The following PDE6A variants were observed in gnomAD, a reference collection of about 807,000 sequenced individuals.
PDE6A encodes rod cGMP-specific 3',5'-cyclic phosphodiesterase subunit alpha.
A neutral mutation model predicts 106.3 loss-of-function variants in PDE6A; 84 were observed. That is an observed-to-expected ratio of 0.79 (90% CI 0.66 to 0.95). The LOEUF (loss-of-function observed/expected upper bound fraction) is 0.95, where lower values mean the gene tolerates loss of function less well. PDE6A is among the 40% of genes least tolerant of loss of function. The pLI, the probability that PDE6A is intolerant of heterozygous loss-of-function variation, is 0.00. For synonymous variants in PDE6A, 394 were observed against 386.6 expected, an observed-to-expected ratio of 1.02 and a Z score of -0.23; for missense variants, 1,052 against 1,084.9, an observed-to-expected ratio of 0.97 and a Z score of 0.43.
At chr5:149,906,242 G>A (rs1753175240) in intron 7 of PDE6A, among the ~76,000 whole-genome samples, 2 of 151,470 alleles carry the variant, frequency 1.3e-5, no homozygotes, top group South Asian at 4.2e-4. Context: ...CCCACCTTTT[G>A]AGGATGAGCA....
In PDE6A at chr5:149,868,103, G is replaced by C; in HGVS notation, c.2191C>G (p.Gln731Glu). ...TCAGCAGGAGTTCATACCTGGCTCT[G>C]CACCTCCCAGGGTTTGGTGATGGCT... Reference protein sequence around the residue: ...LSAITKPWEVQSQVALLVAAE... With the variant: ...LSAITKPWEVESQVALLVAAE... Residue 731 changes from glutamine (Q) to glutamate (E), a missense_variant, in exon 18 of 22, where the codon CAG becomes GAG. By Grantham distance (29) the Gln-to-Glu change is conservative (BLOSUM62 2). Transcript: ENST00000255266. The C allele has an allele frequency of 6.2e-7, 1 of 1,614,062 alleles. No individual in the cohort carries two copies. The highest frequency in any genetic ancestry group is 8.5e-7 in the Non-Finnish European group (1 of 1,179,918).
intron 4 of PDE6A, among the ~76,000 whole-genome samples, chr5:149,928,231 A>ATTTTTTTTTTTTTTTTTTTT (rs1165259453): frequency 1.0e-4 from 2 of 19,746 alleles, no homozygotes; most frequent in Non-Finnish European, 1.7e-4. Flanking sequence ...ATATATATAT[A>ATTTTTTTTTTTTTTTTTTTT]TTTTTTTTTT....
chr5:149,938,371 A>G (rs750323524), intron 1 of PDE6A, among the ~76,000 whole-genome samples: 31 of 152,206 alleles, frequency 2.0e-4, no homozygotes, highest in Admixed American at 4.6e-4. Context: ...GAGAGGGTCT[A>G]CAAATGACGG....
chr5:149,890,804 G>C (rs759563882), intron 13 of PDE6A, among the ~76,000 whole-genome samples: 41 of 152,138 alleles, frequency 2.7e-4, no homozygotes, highest in Non-Finnish European at 4.6e-4. Context: ...TGCTAACTCA[G>C]TATTAAGCAG....
intron 5 of PDE6A, among the ~76,000 whole-genome samples, chr5:149,917,961 T>A (rs1025395506): frequency 1.3e-5 from 2 of 152,222 alleles, no homozygotes; most frequent in Non-Finnish European, 2.9e-5. Context: ...CTTCCTTTTC[T>A]ATTAACCCCT....
At chr5:149,907,598 C>G (rs187513078) in intron 6 of PDE6A, among the ~76,000 whole-genome samples, 1 of 152,168 alleles carries the variant, frequency 6.6e-6, no homozygotes, top group Non-Finnish European at 1.5e-5. Context: ...GTCTGCCCAC[C>G]AAGTTTCACC....
Position 149,883,469 on chromosome 5 carries a change from G to T in PDE6A, c.2095C>A (p.Gln699Lys), listed in dbSNP as rs781169571. The change falls in exon 17 of 22, where the codon CAG becomes AAG. Residue 699 changes from glutamine (Q) to lysine (K), a missense_variant. Transcript: ENST00000255266. ...KTYESEQEWT[Q>K]YMMLEQTRKE... ...CGTGTCTGCTCCAGCATCATGTACT[G>T]TGTCCACTCCTGTTCACTCTCATAT... 1.5e-5 allele frequency: 25 copies of T among 1,613,542 alleles called. No individual in the cohort carries two copies. Among genetic ancestry groups the T allele is most frequent in the Non-Finnish European group, 2.0e-5 (24 of 1,179,632 alleles).
At chr5:149,873,285 A>T (rs1466397379) in intron 17 of PDE6A, among the ~76,000 whole-genome samples, 1 of 151,960 alleles carries the variant, frequency 6.6e-6, no homozygotes, top group Non-Finnish European at 1.5e-5. Context: ...TTATTTATGG[A>T]GACTGAAGTT....
In PDE6A at chr5:149,937,485, C is replaced by T. The variant is rs367652393; in HGVS notation, c.475-2767G>A. ...CTCGACCTCCTGAGCTCAAGCCATC[C>T]TCCCACCTCAGCCTCCAGAGAATCT... On this transcript the variant is annotated intron_variant, in intron 1 of 21. Coordinates refer to ENST00000255266, the MANE Select transcript of PDE6A (RefSeq NM_000440.3). Among the ~76,000 whole-genome samples the T allele has an allele frequency of 1.0e-3, 157 of 152,284 alleles. 1 individual carries two copies. The highest frequency in any genetic ancestry group is 3.3e-3 in the African/African-American group (138 of 41,542).
rs904686759 is a variant in PDE6A at position 149,906,780 on chromosome 5, A to AT, written c.1065+531dup. ...TTTTTATTTTGTTTTATTTATTATT[A>AT]TTTTTTTTTGAGATGGAGTCTCACT... is the stretch of plus-strand genomic sequence containing the variant. On this transcript the variant is annotated intron_variant, in intron 7 of 21. Coordinates refer to ENST00000255266, the MANE Select transcript of PDE6A (RefSeq NM_000440.3). Among the ~76,000 whole-genome samples, 69 of 150,304 alleles carry AT rather than the reference A, an allele frequency of 4.6e-4. 2 individuals carry two copies. The highest frequency in any genetic ancestry group is 1.4e-3 in the African/African-American group (57 of 41,044).
chr5:149,926,091 A>G (rs927592314), intron 4 of PDE6A, among the ~76,000 whole-genome samples: 3 of 152,114 alleles, frequency 2.0e-5, no homozygotes, highest in African/African-American at 4.8e-5. Context: ...AAAATACACA[A>G]ATTAGCTGGG....
intron 17 of PDE6A, among the ~76,000 whole-genome samples, chr5:149,869,690 G>A (rs886590261): frequency 6.6e-6 from 1 of 152,180 alleles, no homozygotes; most frequent in Non-Finnish European, 1.5e-5. Flanking sequence ...TGTGCTGCAG[G>A]AAGGCAGCTG....
At chr5:149,920,569 A>G (rs1047985385) in intron 5 of PDE6A, among the ~76,000 whole-genome samples, 2 of 152,144 alleles carry the variant, frequency 1.3e-5, no homozygotes, top group Non-Finnish European at 2.9e-5. Context: ...GACAAGAGCA[A>G]AACTCCATCT....
chr5:149,901,967 C>T (rs1157726531), intron 8 of PDE6A, among the ~76,000 whole-genome samples: 2 of 152,138 alleles, frequency 1.3e-5, no homozygotes, highest in African/African-American at 2.4e-5. Context: ...TGACAGGGCC[C>T]CCAGAGCTGA....
intron 20 of PDE6A, among the ~76,000 whole-genome samples, chr5:149,865,603 C>G (rs888112115): frequency 1.3e-5 from 2 of 152,228 alleles, no homozygotes; most frequent in Non-Finnish European, 2.9e-5. Flanking sequence ...GCAGCTCACA[C>G]AGCATAAAGA....
chr5:149,923,561 AACATAACATAACATAACAAAC>A (rs1175121302), intron 4 of PDE6A, among the ~76,000 whole-genome samples: 4 of 105,184 alleles, frequency 3.8e-5, no homozygotes, highest in Non-Finnish European at 3.4e-5. Flanking sequence ...AACATAACAT[AACATAACATAACATAACAAAC>A]AACAACACTA....
intron 5 of PDE6A, among the ~76,000 whole-genome samples, chr5:149,920,075 C>T (rs1188088450): frequency 6.6e-6 from 1 of 152,130 alleles, no homozygotes; most frequent in Non-Finnish European, 1.5e-5. Flanking sequence ...TGCTTGTAAT[C>T]TCAGCACTTT....
At chr5:149,891,919 G>C (rs1321265299) in intron 13 of PDE6A, among the ~76,000 whole-genome samples, 1 of 152,156 alleles carries the variant, frequency 6.6e-6, no homozygotes. Flanking sequence ...CTTACAAATG[G>C]ATTTCACTTA....
intron 8 of PDE6A, among the ~76,000 whole-genome samples, chr5:149,902,137 TG>T (rs1253134713): frequency 2.0e-5 from 3 of 152,224 alleles, no homozygotes; most frequent in Non-Finnish European, 4.4e-5. Flanking sequence ...CTGCAGGATC[TG>T]GTCTCTGTCC....
Sources: gnomAD v4.1 joint callset for allele counts (sites outside exome capture counted in the v4.1 genomes callset) on GRCh38, gnomAD v4.1.1 for gene constraint, MANE v1.5 for transcripts, NCBI Gene and HGNC (gene_info 2026-07-23, HGNC 2026-07-21) for gene names.